Variants in KIAA1958 observed in about 807,000 individuals in gnomAD.
KIAA1958 encodes uncharacterized protein KIAA1958.
In KIAA1958, 14 loss-of-function variants were observed where a neutral mutation model predicts 47.2. The ratio of observed to expected loss-of-function variants is 0.30; its 90% CI spans 0.20 to 0.46. KIAA1958 has a LOEUF of 0.46. KIAA1958 is among the 20% of genes least tolerant of loss of function. The probability of loss-of-function intolerance (pLI) is 1.00; values close to 1 mark genes in which losing one functional copy is unlikely to be tolerated. For missense variants in KIAA1958, 803 were observed against 909.2 expected, an observed-to-expected ratio of 0.88 and a Z score of 1.50; for synonymous variants, 354 against 353.3, an observed-to-expected ratio of 1.00 and a Z score of -0.02.
chr9:112,631,061 G>A (rs1179973609), intron 2 of KIAA1958, among the ~76,000 whole-genome samples: 1 of 152,162 alleles, frequency 6.6e-6, no homozygotes, highest in East Asian at 1.9e-4. Context: ...CTTTTTAAAA[G>A]TCTTATTTAT....
chr9:112,582,842 A>T (rs1835758057), intron 2 of KIAA1958, among the ~76,000 whole-genome samples: 1 of 152,152 alleles, frequency 6.6e-6, no homozygotes, highest in Non-Finnish European at 1.5e-5. Context: ...GGAGGGAAGG[A>T]TTCAGTGACA....
chr9:112,641,105 A>G (rs967943632), intron 2 of KIAA1958, among the ~76,000 whole-genome samples: 4 of 152,044 alleles, frequency 2.6e-5, no homozygotes, highest in Non-Finnish European at 4.4e-5. Context: ...GCTCCTCACT[A>G]TGTCTTATAC....
chr9:112,530,351 G>A (rs1167192416), intron 1 of KIAA1958, among the ~76,000 whole-genome samples: 1 of 152,088 alleles, frequency 6.6e-6, no homozygotes, highest in Admixed American at 6.5e-5. Context: ...GTGTCCCTTT[G>A]TTGTGCTCCC....
At chr9:112,549,625 G>T (rs1835104856) in intron 1 of KIAA1958, among the ~76,000 whole-genome samples, 1 of 152,164 alleles carries the variant, frequency 6.6e-6, no homozygotes, top group Admixed American at 6.5e-5. Flanking sequence ...TACTCTGGTA[G>T]GGGTAGACAT....
chr9:112,563,051 C>G (rs1218510784), intron 1 of KIAA1958, among the ~76,000 whole-genome samples: 1 of 113,840 alleles, frequency 8.8e-6, no homozygotes, highest in East Asian at 2.3e-4. Context: ...CTTTCTCTCT[C>G]TCTCTCTGTC....
intron 2 of KIAA1958, chr9:112,582,364 C>A (rs1405881379): frequency 4.6e-5 from 7 of 152,194 alleles, no homozygotes; most frequent in Admixed American, 4.6e-4. Context: ...AATATATACA[C>A]CTACTATGTA....
rs1366218482 is a variant in KIAA1958 at position 112,618,164 on chromosome 9, A to G, written c.1172-27486A>G. On this transcript the variant is annotated intron_variant, in intron 2 of 3. Coordinates refer to ENST00000337530, the MANE Select transcript of KIAA1958 (RefSeq NM_133465.4). The surrounding 1 kb of genome is among the most constrained non-coding windows in gnomAD (Gnocchi z 7.1). ...GTATGGCTATAGCATCACCAGGGAT[A>G]AGGAATTCAAGCGTTCCCAAGAGGC... The G allele has an allele frequency of 6.4e-7, 1 of 1,550,596 alleles. No homozygotes were observed. The highest frequency in any genetic ancestry group is 8.7e-7 in the Non-Finnish European group (1 of 1,146,996).
At chr9:112,649,633 A>G (rs771771635) in intron 3 of KIAA1958, among the ~76,000 whole-genome samples, 13 of 152,206 alleles carry the variant, frequency 8.5e-5, no homozygotes, top group Non-Finnish European at 1.9e-4. Context: ...GACATATTAT[A>G]TACAGAGGAA....
At chr9:112,540,966 C>A (rs1017299238) in intron 1 of KIAA1958, among the ~76,000 whole-genome samples, 1 of 152,006 alleles carries the variant, frequency 6.6e-6, no homozygotes, top group African/African-American at 2.4e-5. Context: ...GCGGTTGGCC[C>A]ACCCCCACCT....
At chr9:112,574,014 T>C in intron 1 of KIAA1958, 43 bp from the exon 2 acceptor site, 2 of 1,027,642 alleles carry the variant, frequency 1.9e-6, no homozygotes, top group South Asian at 3.2e-5. Context: ...TATAGGATTA[T>C]CTTGGGTAAT....
intron 1 of KIAA1958, among the ~76,000 whole-genome samples, chr9:112,563,283 T>C (rs1835370176): frequency 6.6e-6 from 1 of 152,092 alleles, no homozygotes; most frequent in Non-Finnish European, 1.5e-5. Context: ...ACCTTCGTGA[T>C]TGGAATTGCA....
chr9:112,588,414 C>G (rs958368526), intron 2 of KIAA1958, among the ~76,000 whole-genome samples: 19 of 152,076 alleles, frequency 1.2e-4, no homozygotes. Flanking sequence ...TCAATAAGCC[C>G]GTCCCAGCAT....
At chr9:112,592,239 A>T (rs1835936984) in intron 2 of KIAA1958, among the ~76,000 whole-genome samples, 1 of 152,204 alleles carries the variant, frequency 6.6e-6, no homozygotes, top group African/African-American at 2.4e-5. Flanking sequence ...CTGACATATT[A>T]ATTCTTTGAA....
chr9:112,569,623 CT>C (rs111366992), intron 1 of KIAA1958, among the ~76,000 whole-genome samples: 110,570 of 136,920 alleles, frequency 0.81, 44,566 homozygotes, highest in African/African-American at 0.91. Context: ...TTTTAGAATT[CT>C]TTTTTTTTTT....
chr9:112,619,733 A>G (rs1388966525), intron 2 of KIAA1958, among the ~76,000 whole-genome samples: 1 of 152,224 alleles, frequency 6.6e-6, no homozygotes, highest in African/African-American at 2.4e-5. Context: ...AAATGGGTAT[A>G]AATGAAGTTT....
At chr9:112,567,486 AAGGGGAAAAGGTAAAAAC>A (rs1286721433) in intron 1 of KIAA1958, among the ~76,000 whole-genome samples, 2 of 152,210 alleles carry the variant, frequency 1.3e-5, no homozygotes, top group Non-Finnish European at 2.9e-5. Context: ...GGAAAGAACT[AAGGGGAAAAGGTAAAAAC>A]CAGATGAATC....
intron 1 of KIAA1958, among the ~76,000 whole-genome samples, chr9:112,545,192 G>A (rs1278022163): frequency 6.6e-6 from 1 of 152,128 alleles, no homozygotes; most frequent in Non-Finnish European, 1.5e-5. Flanking sequence ...TCCCAAATCT[G>A]CTTGTTTTGC....
intron 1 of KIAA1958, among the ~76,000 whole-genome samples, chr9:112,504,188 CTTTT>C (rs374393037): frequency 7.2e-6 from 1 of 139,648 alleles, no homozygotes; most frequent in Non-Finnish European, 1.6e-5. Context: ...TAGAGATTAT[CTTTT>C]TTTTTTTTTT....
At chr9:112,571,870 A>G (rs1460749251) in intron 1 of KIAA1958, among the ~76,000 whole-genome samples, 1 of 150,154 alleles carries the variant, frequency 6.7e-6, no homozygotes, top group Non-Finnish European at 1.5e-5. Flanking sequence ...AAAGTTCAGA[A>G]CAAACACACA....
Sources: gnomAD v4.1 joint callset for allele counts (sites outside exome capture counted in the v4.1 genomes callset) on GRCh38, gnomAD v4.1.1 for gene constraint, Gnocchi (gnomAD v3.1) non-coding constraint, MANE v1.5 for transcripts, NCBI Gene and HGNC (gene_info 2026-07-23, HGNC 2026-07-21) for gene names.